Variants in VPS13B observed in about 807,000 individuals in gnomAD.
VPS13B encodes vacuolar protein sorting 13 homolog B, also known as intermembrane lipid transfer protein VPS13B.
VPS13B carries 285 observed loss-of-function variants against 426.4 expected under a neutral mutation model. The observed-to-expected ratio is 0.67, with a 90% confidence interval of 0.61 to 0.74. The LOEUF (loss-of-function observed/expected upper bound fraction) is 0.74. VPS13B is among the 30% of genes least tolerant of loss of function. VPS13B has a pLI of 0.00. For missense variants in VPS13B, 4,537 were observed against 4,782.6 expected (o/e 0.95, Z 1.51); for synonymous variants, 1,676 against 1,676.4 (o/e 1.00, Z 0.01).
intron 19 of VPS13B, among the ~76,000 whole-genome samples, chr8:99,312,596 T>G (rs1821055318): frequency 6.6e-6 from 1 of 152,214 alleles, no homozygotes; most frequent in African/African-American, 2.4e-5. Flanking sequence ...CTGGCTGCCC[T>G]TAACATTTTT....
At chr8:99,558,654 G>T (rs553310752) in intron 31 of VPS13B, among the ~76,000 whole-genome samples, 4 of 152,054 alleles carry the variant, frequency 2.6e-5, no homozygotes, top group South Asian at 4.2e-4. Flanking sequence ...GTGAGAACAT[G>T]CGGTGTTTGG....
intron 16 of VPS13B, among the ~76,000 whole-genome samples, chr8:99,185,301 T>G (rs1813159874): frequency 6.6e-6 from 1 of 152,040 alleles, no homozygotes; most frequent in African/African-American, 2.4e-5. Flanking sequence ...ACCTGTAGAG[T>G]GTGGAGTTGG....
intron 29 of VPS13B, among the ~76,000 whole-genome samples, chr8:99,520,389 T>G (rs1000040562): frequency 7.2e-6 from 1 of 138,496 alleles, no homozygotes; most frequent in African/African-American, 2.7e-5. Context: ...GTGATATACT[T>G]TGTGTGTGTG....
At chr8:99,212,050 G>T (rs188431313) in intron 17 of VPS13B, among the ~76,000 whole-genome samples, 12 of 151,744 alleles carry the variant, frequency 7.9e-5, no homozygotes, top group African/African-American at 2.9e-4. Flanking sequence ...CTGCCACCAC[G>T]CCCGGCTAAT....
chr8:99,106,246 A>C (rs1243546114), intron 5 of VPS13B, among the ~76,000 whole-genome samples: 3 of 151,916 alleles, frequency 2.0e-5, no homozygotes, highest in Admixed American at 6.6e-5. Context: ...AGCCTGGCCA[A>C]CATGGTGAAA....
At chr8:99,246,205 C>A (rs887594311) in intron 17 of VPS13B, among the ~76,000 whole-genome samples, 2 of 152,186 alleles carry the variant, frequency 1.3e-5, no homozygotes, top group African/African-American at 2.4e-5. Context: ...GCCTCTAGAG[C>A]AGTAGTTAGA....
chr8:99,424,958 A>T (rs1816606704), intron 21 of VPS13B, among the ~76,000 whole-genome samples: 1 of 152,188 alleles, frequency 6.6e-6, no homozygotes, highest in African/African-American at 2.4e-5. Flanking sequence ...TAAACTAGAA[A>T]ATCTAGAAGA....
intron 19 of VPS13B, among the ~76,000 whole-genome samples, chr8:99,311,044 A>G (rs1474357033): frequency 3.3e-5 from 5 of 151,730 alleles, no homozygotes; most frequent in South Asian, 2.1e-4. Flanking sequence ...TATTGTGTCT[A>G]TTTGATTCTT....
intron 45 of VPS13B, 38 bp from the exon 46 acceptor site, chr8:99,818,413 T>C (rs772946487): frequency 1.3e-6 from 2 of 1,567,936 alleles, no homozygotes; most frequent in Non-Finnish European, 8.8e-7. Flanking sequence ...AGTAAACTGC[T>C]TAGTATTCAA....
chr8:99,229,953 A>G (rs1048929806), intron 17 of VPS13B, among the ~76,000 whole-genome samples: 4 of 152,186 alleles, frequency 2.6e-5, no homozygotes, highest in African/African-American at 7.2e-5. Context: ...GACTTATACA[A>G]TGTTGTCACT....
chr8:99,257,623 T>C (rs1817823175), intron 17 of VPS13B, among the ~76,000 whole-genome samples: 1 of 152,194 alleles, frequency 6.6e-6, no homozygotes, highest in South Asian at 2.1e-4. Context: ...TTATGACTTC[T>C]TTTATTTCTT....
At chr8:99,768,737 G>C (rs1179875875) in intron 40 of VPS13B, among the ~76,000 whole-genome samples, 1 of 152,128 alleles carries the variant, frequency 6.6e-6, no homozygotes, top group Admixed American at 6.5e-5. Context: ...ATATATTAGA[G>C]AAGTAGTGTT....
At chr8:99,400,358 G>A (rs1814967611) in intron 21 of VPS13B, among the ~76,000 whole-genome samples, 1 of 152,136 alleles carries the variant, frequency 6.6e-6, no homozygotes, top group African/African-American at 2.4e-5. Flanking sequence ...CTAACATTTT[G>A]TTAAAAGCGT....
intron 39 of VPS13B, among the ~76,000 whole-genome samples, chr8:99,760,121 C>T (rs1387318215): frequency 4.0e-5 from 6 of 151,862 alleles, no homozygotes; most frequent in African/African-American, 7.3e-5. Flanking sequence ...GGATTATAGG[C>T]GCCCACCACC....
At chr8:99,335,484 G>A (rs1451160592) in intron 19 of VPS13B, among the ~76,000 whole-genome samples, 3 of 151,762 alleles carry the variant, frequency 2.0e-5, no homozygotes, top group Non-Finnish European at 2.9e-5. Flanking sequence ...GCTTTCTCTT[G>A]TGGGCATTTA....
At chr8:99,337,868 T>G (rs1346516481) in intron 19 of VPS13B, among the ~76,000 whole-genome samples, 1 of 152,154 alleles carries the variant, frequency 6.6e-6, no homozygotes, top group East Asian at 1.9e-4. Flanking sequence ...ATTCAAAAAA[T>G]CAAGTTTTAT....
intron 19 of VPS13B, among the ~76,000 whole-genome samples, chr8:99,293,321 G>C (rs1350406298): frequency 8.7e-6 from 1 of 114,640 alleles, no homozygotes; most frequent in East Asian, 2.3e-4. Flanking sequence ...AATGGTGCTG[G>C]GAAAACTGGC....
At chr8:99,750,012 TACATCTTA>T (rs2130533196) in intron 39 of VPS13B, among the ~76,000 whole-genome samples, 1 of 152,278 alleles carries the variant, frequency 6.6e-6, no homozygotes, top group East Asian at 1.9e-4. Flanking sequence ...TATATGCAAA[TACATCTTA>T]ACATCTTATC....
Position 99,148,003 on chromosome 8 carries a change from G to A in VPS13B, c.2006G>A (p.Gly669Glu), listed in dbSNP as rs768668368. 12 of 1,612,210 alleles carry A rather than the reference G, an allele frequency of 7.4e-6. No individual in the cohort carries two copies. Among genetic ancestry groups the A allele is most frequent in the Non-Finnish European group, 8.5e-6 (10 of 1,179,082 alleles). The change falls in exon 14 of 62, where the codon GGA becomes GAA. Residue 669 changes from glycine to glutamate, a missense_variant. By Grantham distance (98) the Gly-to-Glu change is moderately conservative. This residue lies in a region of VPS13B where 4,311 missense variants were observed against 4,474.3 expected (regional missense o/e 0.96). Transcript: ENST00000357162. The stretch of plus-strand genomic sequence containing the variant: ...GACCATTTACTACCTGTCATTATGG[G>A]AGAAAAGGTATATTTTGTGATTTGC... Reference protein sequence around the residue: ...LLDHLLPVIMGEKNSSNFMNT... With the variant: ...LLDHLLPVIMEEKNSSNFMNT...
Sources: allele counts gnomAD v4.1 joint callset (sites outside exome capture counted in the v4.1 genomes callset), GRCh38; gene constraint gnomAD v4.1.1; regional missense constraint gnomAD v4.1.1; transcripts MANE v1.5; gene names NCBI Gene and HGNC (gene_info 2026-07-23, HGNC 2026-07-21).